Variants in MKX observed in about 807,000 individuals in gnomAD.
MKX encodes the protein homeobox protein Mohawk.
MKX carries 13 observed loss-of-function variants against 36.0 expected under a neutral mutation model. That is an observed-to-expected ratio of 0.36 (90% CI 0.24 to 0.57). MKX has a LOEUF of 0.57. MKX is among the 20% of genes least tolerant of loss of function. The pLI is 0.79. For missense variants in MKX, 458 were observed against 456.4 expected, an observed-to-expected ratio of 1.00 and a Z score of -0.03; for synonymous variants, 176 against 178.3, an observed-to-expected ratio of 0.99 and a Z score of 0.10.
intron 5 of MKX, among the ~76,000 whole-genome samples, chr10:27,677,651 A>T (rs1836178646): frequency 6.6e-6 from 1 of 152,208 alleles, no homozygotes; most frequent in South Asian, 2.1e-4. Flanking sequence ...CTCTTTTCAC[A>T]ACCCTTCACG....
intron 1 of MKX, 51 bp from the exon 2 acceptor site, chr10:27,743,548 C>T: frequency 2.0e-6 from 2 of 1,004,202 alleles, no homozygotes; most frequent in Non-Finnish European, 1.4e-6. Context: ...GTGCTCAGAC[C>T]CCTGCAGGTT....
At chr10:27,681,049 G>T (rs1457259338) in intron 5 of MKX, among the ~76,000 whole-genome samples, 2 of 152,196 alleles carry the variant, frequency 1.3e-5, no homozygotes, top group East Asian at 3.9e-4. Flanking sequence ...TACGACAGTG[G>T]CCCATAAGAT....
chr10:27,721,480 A>T (rs748766886), intron 5 of MKX, among the ~76,000 whole-genome samples: 1 of 152,242 alleles, frequency 6.6e-6, no homozygotes, highest in African/African-American at 2.4e-5. Context: ...TTGCAGGGAC[A>T]CGCATGGAGC....
chr10:27,743,845 G>C (rs1834981550), intron 1 of MKX, among the ~76,000 whole-genome samples: 1 of 152,222 alleles, frequency 6.6e-6, no homozygotes, highest in Non-Finnish European at 1.5e-5. Context: ...GCATACTCCG[G>C]ACTGCGGAGC....
rs548165640 is a variant in MKX at position 27,742,329 on chromosome 10, C to T, written c.189-825G>A. Reference sequence around the variant, plus strand: ...GCCGCCAGCGAGCCCAGCCGCTCCCCGAGGCTTGCGCGCCTGCGCCGGAGC... The same window carrying T: ...GCCGCCAGCGAGCCCAGCCGCTCCCTGAGGCTTGCGCGCCTGCGCCGGAGC... On this transcript the variant is annotated intron_variant, in intron 2 of 6. Coordinates refer to ENST00000419761, the MANE Select transcript of MKX (RefSeq NM_173576.3). The surrounding 1 kb of genome is among the most constrained non-coding windows in gnomAD (Gnocchi z 4.2). Among the ~76,000 whole-genome samples the T allele has an allele frequency of 2.1e-4, 32 of 152,276 alleles. No homozygotes were observed. The highest frequency in any genetic ancestry group is 7.7e-4 in the African/African-American group (32 of 41,566).
At chr10:27,711,464 T>C (rs1223377051) in intron 5 of MKX, among the ~76,000 whole-genome samples, 2 of 8,898 alleles carry the variant, frequency 2.2e-4, no homozygotes, top group Non-Finnish European at 6.1e-4. Flanking sequence ...TCTTTCTTTC[T>C]TTCTTTCTTT....
intron 2 of MKX, 58 bp downstream of exon 2, chr10:27,743,170 C>T: frequency 7.2e-7 from 1 of 1,384,156 alleles, no homozygotes; most frequent in Non-Finnish European, 9.4e-7. Context: ...CGTCACAGCT[C>T]ACCACCCCCA....
At chr10:27,687,153 C>T (rs1018086381) in intron 5 of MKX, among the ~76,000 whole-genome samples, 16 of 152,076 alleles carry the variant, frequency 1.1e-4, no homozygotes, top group Admixed American at 3.3e-4. Context: ...ATTACAGGCA[C>T]GCACCACTAC....
chr10:27,709,029 C>T (rs1836807360), intron 5 of MKX, among the ~76,000 whole-genome samples: 1 of 151,466 alleles, frequency 6.6e-6, no homozygotes, highest in Non-Finnish European at 1.5e-5. Flanking sequence ...ATTAGCTGGG[C>T]ATGGTGGTGG....
chr10:27,688,370 T>C (rs1460885323), intron 5 of MKX, among the ~76,000 whole-genome samples: 1 of 152,212 alleles, frequency 6.6e-6, no homozygotes, highest in Non-Finnish European at 1.5e-5. Context: ...GATTAATGGA[T>C]TAAGTGTGCA....
intron 5 of MKX, among the ~76,000 whole-genome samples, chr10:27,726,889 G>A (rs750962284): frequency 2.0e-4 from 30 of 151,786 alleles, no homozygotes; most frequent in Non-Finnish European, 3.7e-4. Context: ...ATCAAAACAC[G>A]AATTCATTCA....
At chr10:27,707,479 T>A (rs942370170) in intron 5 of MKX, among the ~76,000 whole-genome samples, 1 of 152,016 alleles carries the variant, frequency 6.6e-6, no homozygotes, top group Non-Finnish European at 1.5e-5. Context: ...TGTGGGTATC[T>A]CTTAAAGAAA....
chr10:27,743,986 A>G (rs2815481), intron 1 of MKX, among the ~76,000 whole-genome samples: 139,513 of 152,004 alleles, frequency 0.92, 64,037 homozygotes, highest in East Asian at 1. Context: ...AACCGTATCC[A>G]CAAGACCCCC....
At chr10:27,717,746 G>A (rs554903630) in intron 5 of MKX, among the ~76,000 whole-genome samples, 30 of 152,342 alleles carry the variant, frequency 2.0e-4, no homozygotes, top group African/African-American at 6.0e-4. Flanking sequence ...GCCCAGTGGC[G>A]AGATCAACTA....
chr10:27,699,544 T>C (rs999403634), intron 5 of MKX, among the ~76,000 whole-genome samples: 6 of 152,220 alleles, frequency 3.9e-5, no homozygotes, highest in Non-Finnish European at 7.3e-5. Flanking sequence ...TATTGGCATA[T>C]GGAACCACAG....
chr10:27,701,827 G>GTA (rs10609979), intron 5 of MKX, among the ~76,000 whole-genome samples: 3,164 of 145,438 alleles, frequency 0.022, 94 homozygotes, highest in African/African-American at 0.074. Context: ...GTGTGTGTGT[G>GTA]TATATATATA....
intron 5 of MKX, among the ~76,000 whole-genome samples, chr10:27,685,573 C>G (rs901121887): frequency 7.9e-5 from 12 of 151,768 alleles, no homozygotes; most frequent in African/African-American, 1.7e-4. Context: ...CTCAGCCTCC[C>G]GAGTAGCTGG....
intron 5 of MKX, among the ~76,000 whole-genome samples, chr10:27,685,944 CA>C (rs202142660): frequency 6.6e-6 from 1 of 151,138 alleles, no homozygotes; most frequent in Admixed American, 6.6e-5. Flanking sequence ...TGATATTTGC[CA>C]AAAAAAAGGA....
chr10:27,683,725 A>T (rs1265530591), intron 5 of MKX, among the ~76,000 whole-genome samples: 1 of 152,230 alleles, frequency 6.6e-6, no homozygotes, highest in Non-Finnish European at 1.5e-5. Context: ...GCCTCTGGGG[A>T]TACCAGATCA....
Sources: gnomAD v4.1 joint callset for allele counts (sites outside exome capture counted in the v4.1 genomes callset) on GRCh38, gnomAD v4.1.1 for gene constraint, Gnocchi (gnomAD v3.1) non-coding constraint, MANE v1.5 for transcripts, NCBI Gene and HGNC (gene_info 2026-07-23, HGNC 2026-07-21) for gene names.